Variants in IGSF5 observed in about 807,000 individuals in gnomAD.
The protein encoded by IGSF5 is immunoglobulin superfamily 5 like.
Under a neutral mutation model 39.4 loss-of-function variants are expected in IGSF5, and 41 were observed. The observed-to-expected ratio is 1.04, with a 90% CI of 0.81 to 1.35. The LOEUF (loss-of-function observed/expected upper bound fraction) is 1.35. IGSF5 is among the 40% of genes most tolerant of loss of function. The probability of loss-of-function intolerance (pLI) is 0.00; values close to 1 mark genes in which losing one functional copy is unlikely to be tolerated. For missense variants in IGSF5, 487 were observed against 494.6 expected, an observed-to-expected ratio of 0.98 and a Z score of 0.15; for synonymous variants, 183 against 175.3, an observed-to-expected ratio of 1.04 and a Z score of -0.34.
Position 39,765,527 on chromosome 21 carries a change from C to A in IGSF5, c.101-8C>A. ...ATTTAACAACTTGAAAAATTGGCTA[C>A]CTTCCAGGTTCTGGGTCTGGTAATG... On this transcript the variant is annotated splice_region_variant and splice_polypyrimidine_tract_variant and intron_variant, in intron 2 of 8. Transcript: ENST00000380588. 6.2e-7 allele frequency: 1 copy of A among 1,605,236 alleles called. No individual in the cohort carries two copies. Among genetic ancestry groups the A allele is most frequent in the South Asian group, 1.1e-5 (1 of 90,878 alleles).
chr21:39,787,552 G>GTT (rs33925299), intron 5 of IGSF5, among the ~76,000 whole-genome samples: 32,161 of 119,680 alleles, frequency 0.27, 5,614 homozygotes, highest in East Asian at 0.46. Flanking sequence ...TAATGACAGT[G>GTT]TTTTTTTTTT....
chr21:39,786,976 G>A (rs2086925543), intron 5 of IGSF5, among the ~76,000 whole-genome samples: 1 of 152,122 alleles, frequency 6.6e-6, no homozygotes, highest in African/African-American at 2.4e-5. Flanking sequence ...GGGGAAGGGG[G>A]AGGGATAGCA....
In IGSF5 at chr21:39,785,262, C is replaced by T. The variant is rs377387754; in HGVS notation, c.935-2905C>T. Among the ~76,000 whole-genome samples the T allele has an allele frequency of 2.7e-3, 411 of 151,014 alleles. 1 individual carries two copies. The highest frequency in any genetic ancestry group is 9.2e-3 in the African/African-American group (382 of 41,448). Reference sequence around the variant, plus strand: ...TTCAGGACATAGGCATGGGCAAGGACTTTATGTCTAAAACACCAAAAACAA... The same window carrying T: ...TTCAGGACATAGGCATGGGCAAGGATTTTATGTCTAAAACACCAAAAACAA... On this transcript the variant is annotated intron_variant, in intron 5 of 8. Coordinates refer to ENST00000380588, the MANE Select transcript of IGSF5 (RefSeq NM_001080444.2).
the IGSF5 span, among the ~76,000 whole-genome samples, chr21:39,715,547 T>C: frequency 6.6e-6 from 1 of 152,240 alleles, no homozygotes; most frequent in Non-Finnish European, 1.5e-5. Context: ...TTTATTTTCT[T>C]AATAATCATC....
At chr21:39,731,756 C>T in the IGSF5 span, among the ~76,000 whole-genome samples, 1 of 152,192 alleles carries the variant, frequency 6.6e-6, no homozygotes, top group East Asian at 1.9e-4. Flanking sequence ...ATCTGTCTAA[C>T]ACCTTGATGT....
At chr21:39,759,167 T>A (rs1372501077) in intron 2 of IGSF5, among the ~76,000 whole-genome samples, 1 of 152,208 alleles carries the variant, frequency 6.6e-6, no homozygotes, top group Non-Finnish European at 1.5e-5. Flanking sequence ...AAGAATAAAA[T>A]GGAATCAAAT....
At chr21:39,752,138 G>A (rs2080008711) in intron 2 of IGSF5, among the ~76,000 whole-genome samples, 1 of 152,116 alleles carries the variant, frequency 6.6e-6, no homozygotes, top group Non-Finnish European at 1.5e-5. Context: ...TGTACACTGT[G>A]CCTAATATGT....
chr21:39,788,112 G>A (rs1425211238), intron 5 of IGSF5, 55 bp from the exon 6 acceptor site: 4 of 1,404,430 alleles, frequency 2.8e-6, no homozygotes, highest in East Asian at 4.6e-5. Context: ...AATGAGACTC[G>A]ATTTTTAGAA....
chr21:39,725,595 G>A, the IGSF5 span, among the ~76,000 whole-genome samples: 30 of 152,278 alleles, frequency 2.0e-4, no homozygotes, highest in Non-Finnish European at 3.7e-4. Context: ...CTCCTTCAGG[G>A]ACAAAGCAGG....
At chr21:39,801,129 G>C (rs1051250717) in intron 8 of IGSF5, 133 bp from the exon 9 acceptor site, 7 of 648,902 alleles carry the variant, frequency 1.1e-5, no homozygotes, top group African/African-American at 9.1e-5. Context: ...GAAAGGAAGA[G>C]CTTATTTTAA....
the IGSF5 span, among the ~76,000 whole-genome samples, chr21:39,728,194 G>A: frequency 1.3e-5 from 2 of 152,086 alleles, no homozygotes; most frequent in African/African-American, 2.4e-5. Context: ...CCCAACCCTT[G>A]GTATCTGGGA....
the IGSF5 span, among the ~76,000 whole-genome samples, chr21:39,725,016 T>C: frequency 6.6e-6 from 1 of 152,236 alleles, no homozygotes; most frequent in Non-Finnish European, 1.5e-5. Flanking sequence ...AAAGAACCTA[T>C]TTGCCATCTC....
chr21:39,752,619 A>G (rs2080011181), intron 2 of IGSF5, among the ~76,000 whole-genome samples: 1 of 152,198 alleles, frequency 6.6e-6, no homozygotes, highest in Admixed American at 6.5e-5. Flanking sequence ...TATAATTTAC[A>G]TTCCCAGCAG....
intron 6 of IGSF5, among the ~76,000 whole-genome samples, chr21:39,791,093 C>G (rs893113924): frequency 2.6e-5 from 4 of 152,160 alleles, no homozygotes; most frequent in African/African-American, 9.7e-5. Flanking sequence ...GTATCTAGTC[C>G]TAAAAGCTGG....
At chr21:39,761,575 A>G (rs1051261551) in intron 2 of IGSF5, among the ~76,000 whole-genome samples, 22 of 152,358 alleles carry the variant, frequency 1.4e-4, no homozygotes, top group African/African-American at 5.3e-4. Flanking sequence ...CAAATCAAAT[A>G]ATCCAATTAA....
intron 2 of IGSF5, among the ~76,000 whole-genome samples, chr21:39,750,061 T>G (rs1215307144): frequency 6.6e-6 from 1 of 152,144 alleles, no homozygotes; most frequent in Non-Finnish European, 1.5e-5. Context: ...GTATGCAGCT[T>G]TTTCATCTTT....
the IGSF5 span, among the ~76,000 whole-genome samples, chr21:39,731,251 C>T: frequency 6.6e-6 from 1 of 152,160 alleles, no homozygotes; most frequent in Admixed American, 6.5e-5. Context: ...TCGCTTCTTG[C>T]ACACTTCTCT....
At position 39,756,266 on chromosome 21, in the gene IGSF5, G is replaced by A. The variant is rs573964924; in HGVS notation, c.101-9269G>A. ...CCAGTAATGCACTTAAATGCTAAAT[G>A]CAGGTCATGGGCCTGAGAATCTTTG... is the stretch of plus-strand genomic sequence containing the variant. On this transcript the variant is annotated intron_variant, in intron 2 of 8. Transcript: ENST00000380588. Among the ~76,000 whole-genome samples, 5 of 152,334 alleles carry A rather than the reference G, an allele frequency of 3.3e-5. No individual in the cohort carries two copies. The East Asian group carries it at 7.7e-4, about 24-fold the overall frequency.
At chr21:39,740,190 C>G (rs1274546292), upstream of IGSF5, among the ~76,000 whole-genome samples, 1 of 152,130 alleles carries the variant, frequency 6.6e-6, no homozygotes, top group Admixed American at 6.5e-5. Flanking sequence ...AGGGGATTAC[C>G]CCATACTAGG....
Sources: gnomAD v4.1 joint callset for allele counts (sites outside exome capture counted in the v4.1 genomes callset) on GRCh38, gnomAD v4.1.1 for gene constraint, MANE v1.5 for transcripts, NCBI Gene and HGNC (gene_info 2026-07-23, HGNC 2026-07-21) for gene names.